Variants in ILDR1 observed in about 807,000 individuals in gnomAD.
ILDR1 encodes immunoglobulin like domain containing receptor 1.
In ILDR1, 56 loss-of-function variants were observed where a neutral mutation model predicts 62.4. That is an observed-to-expected ratio of 0.90 (90% CI 0.72 to 1.12). The LOEUF is 1.12. Among genes scored for constraint, ILDR1 ranks in the 50% most tolerant of loss-of-function variants. The probability of loss-of-function intolerance (pLI) is 0.00; values close to 1 mark genes in which losing one functional copy is unlikely to be tolerated. For synonymous variants in ILDR1, 284 were observed against 277.8 expected (o/e 1.02, Z -0.22); for missense variants, 736 against 710.6 (o/e 1.04, Z -0.41).
chr3:122,041,549 T>C, the ILDR1 span, among the ~76,000 whole-genome samples: 1 of 152,228 alleles, frequency 6.6e-6, no homozygotes, highest in East Asian at 1.9e-4. Flanking sequence ...AAGATGGCTA[T>C]CTTTCCATTT....
the ILDR1 span, among the ~76,000 whole-genome samples, chr3:122,049,376 T>C: frequency 6.6e-6 from 1 of 152,256 alleles, no homozygotes; most frequent in African/African-American, 2.4e-5. Flanking sequence ...GTTCTGTGTA[T>C]GTTTATCAGG....
chr3:122,029,050 G>A, the ILDR1 span, among the ~76,000 whole-genome samples: 1 of 152,132 alleles, frequency 6.6e-6, no homozygotes, highest in African/African-American at 2.4e-5. Context: ...ATATGCAGCT[G>A]TTAAAGTGGA....
At chr3:122,022,420 T>A (rs1184578298), upstream of ILDR1, among the ~76,000 whole-genome samples, 1 of 152,058 alleles carries the variant, frequency 6.6e-6, no homozygotes, top group Non-Finnish European at 1.5e-5. Context: ...ATTCCCACTT[T>A]CCTCCAGAAG....
chr3:121,993,513 G>C lies in ILDR1; in HGVS notation c.1236C>G (p.Pro412=). Residue 412 remains proline, a synonymous_variant, in exon 7 of 8, where the codon CCC becomes CCG. Transcript: ENST00000344209. The part of the protein sequence containing the change: ...RHRSSRLNGS[P]IHWSDRDSLS... Reference sequence around the variant, plus strand: ...GGCTGTCCCTGTCTGACCAGTGTATGGGTGACCCATTCAGCCTAGAGCTAC... The same window carrying C: ...GGCTGTCCCTGTCTGACCAGTGTATCGGTGACCCATTCAGCCTAGAGCTAC... 6.2e-7 allele frequency: 1 copy of C among 1,614,232 alleles called. No individual in the cohort carries two copies. The highest frequency in any genetic ancestry group is 8.5e-7 in the Non-Finnish European group (1 of 1,180,046).
chr3:122,025,786 C>T (rs1458084330), upstream of ILDR1, among the ~76,000 whole-genome samples: 2 of 152,068 alleles, frequency 1.3e-5, no homozygotes, highest in Non-Finnish European at 2.9e-5. Flanking sequence ...AATCATGCAC[C>T]AGCTACTTAA....
the ILDR1 span, chr3:122,055,291 C>T: frequency 1.8e-6 from 1 of 568,302 alleles, no homozygotes; most frequent in Non-Finnish European, 3.1e-6. Flanking sequence ...ATTTCTTCCT[C>T]AAGTGTGGTC....
upstream of ILDR1, among the ~76,000 whole-genome samples, chr3:122,023,053 G>T (rs1008167746): frequency 3.3e-5 from 5 of 150,530 alleles, no homozygotes; most frequent in Admixed American, 1.3e-4. Context: ...AAAGTTATGG[G>T]AGTTTAAAAA....
the ILDR1 span, among the ~76,000 whole-genome samples, chr3:122,027,717 A>C: frequency 1.3e-5 from 2 of 152,186 alleles, no homozygotes; most frequent in African/African-American, 4.8e-5. Context: ...GAAAGAGATA[A>C]TTTGCATTAT....
intron 1 of ILDR1, among the ~76,000 whole-genome samples, chr3:122,017,784 A>G (rs1292171728): frequency 6.6e-6 from 1 of 152,264 alleles, no homozygotes; most frequent in Non-Finnish European, 1.5e-5. Flanking sequence ...CAACAGACAT[A>G]TGAAAAAATA....
chr3:122,033,588 A>AT, the ILDR1 span, among the ~76,000 whole-genome samples: 1 of 151,738 alleles, frequency 6.6e-6, no homozygotes, highest in Admixed American at 6.6e-5. Flanking sequence ...GGTCATGAAG[A>AT]TTTTTTTCTT....
intron 1 of ILDR1, among the ~76,000 whole-genome samples, chr3:122,018,645 T>C (rs1320879916): frequency 2.0e-5 from 3 of 152,052 alleles, no homozygotes. Context: ...TCAAACTAAC[T>C]CCACTCTGTC....
chr3:121,993,529 C>T lies in ILDR1; in HGVS notation c.1220G>A (p.Arg407Lys), dbSNP rs751466977. 3.3e-5 allele frequency: 53 copies of T among 1,614,124 alleles called. No individual in the cohort carries two copies. Among genetic ancestry groups the T allele is most frequent in the Non-Finnish European group, 4.3e-5 (51 of 1,180,048 alleles). Reference protein sequence around the residue: ...PSWSGRHRSSRLNGSPIHWSD... With the variant: ...PSWSGRHRSSKLNGSPIHWSD... ...CCAGTGTATGGGTGACCCATTCAGC[C>T]TAGAGCTACGGTGCCTTCCACTCCA... is the stretch of plus-strand genomic sequence containing the variant. Residue 407 changes from arginine to lysine, a missense_variant, in exon 7 of 8, where the codon AGG (arginine) becomes AAG (lysine). Arg to Lys is a conservative substitution (Grantham distance 26, BLOSUM62 2). Transcript: ENST00000344209.
At chr3:122,055,580 C>A in the ILDR1 span, 3 of 1,316,262 alleles carry the variant, frequency 2.3e-6, no homozygotes, top group Non-Finnish European at 3.3e-6. Flanking sequence ...GAAGATGGTG[C>A]TTTGATGTGT....
the ILDR1 span, among the ~76,000 whole-genome samples, chr3:122,045,050 C>T: frequency 1.3e-4 from 20 of 151,920 alleles, no homozygotes; most frequent in South Asian, 4.2e-4. Flanking sequence ...CTCTTGTGGG[C>T]ATTTAGTGCT....
rs772898450 is a variant in ILDR1 at position 122,001,799 on chromosome 3, C to A, written c.445G>T (p.Ala149Ser). The A allele has an allele frequency of 7.4e-6, 12 of 1,613,280 alleles. No homozygotes were observed. Among genetic ancestry groups the A allele is most frequent in the Non-Finnish European group, 7.6e-6 (9 of 1,179,874 alleles). ...GGGTCTCCTGATGTGTCCCCTGGAG[C>A]CTCAATGGTGCAGTAATACACTCCA... is the stretch of plus-strand genomic sequence containing the variant. Reference protein sequence around the residue: ...DHGVYYCTIEAPGDTSGDPDK... With the variant: ...DHGVYYCTIESPGDTSGDPDK... The change falls in exon 4 of 8, where the codon GCT (alanine) becomes TCT (serine). Residue 149 changes from alanine to serine, a missense_variant. Ala to Ser is a moderately conservative substitution (Grantham distance 99). Transcript: ENST00000344209.
rs763288766 is a variant in ILDR1 at position 122,022,110 on chromosome 3, G to T, written c.-33C>A. 4.5e-6 allele frequency: 7 copies of T among 1,568,974 alleles called. No individual in the cohort carries two copies. The highest frequency in any genetic ancestry group is 6.1e-6 in the Non-Finnish European group (7 of 1,152,816). On this transcript the variant is annotated 5_prime_UTR_variant, in exon 1 of 8. Coordinates refer to ENST00000344209, the MANE Select transcript of ILDR1 (RefSeq NM_001199799.2). ...CCTTTCTGGCCCTTTTCAGCTCAGGGGCTTCGGGGCACTGCGTCTTTCTTC... is the reference window on the plus strand; with the variant it reads ...CCTTTCTGGCCCTTTTCAGCTCAGGTGCTTCGGGGCACTGCGTCTTTCTTC...
the ILDR1 span, among the ~76,000 whole-genome samples, chr3:122,059,060 A>G: frequency 1.3e-5 from 2 of 152,176 alleles, no homozygotes; most frequent in South Asian, 4.2e-4. Flanking sequence ...GAAAAGACAG[A>G]TGGTGAATTC....
Position 121,988,218 on chromosome 3 carries a change from A to G in ILDR1, c.*149T>C. 2 of 723,662 alleles carry G rather than the reference A, an allele frequency of 2.8e-6. No individual in the cohort carries two copies. The highest frequency in any genetic ancestry group is 5.1e-6 in the Non-Finnish European group (2 of 395,424). The allele number at this position is 723,662 out of a possible 1,614,324, so 44.8% of individuals were successfully genotyped here. A position where few individuals can be genotyped will look rare whatever the true frequency, so the allele number is the denominator to read the frequency against. On this transcript the variant is annotated 3_prime_UTR_variant, in exon 8 of 8. Coordinates refer to ENST00000344209, the MANE Select transcript of ILDR1 (RefSeq NM_001199799.2). ...ACTATACCCAATCTCAAACTCTTGT[A>G]TTTAAAATTCTTCTATTTGATTCTC...
intron 6 of ILDR1, 76 bp downstream of exon 6, chr3:121,994,106 C>T (rs978674177): frequency 1.8e-5 from 28 of 1,522,462 alleles, no homozygotes; most frequent in Non-Finnish European, 2.4e-5. Context: ...GCATCGGTCA[C>T]AGAGGTCTTG....
Sources: allele counts gnomAD v4.1 joint callset (sites outside exome capture counted in the v4.1 genomes callset), GRCh38; gene constraint gnomAD v4.1.1; transcripts MANE v1.5; gene names NCBI Gene and HGNC (gene_info 2026-07-23, HGNC 2026-07-21).